The following NPAS2 variants were observed in gnomAD, a reference collection of about 807,000 sequenced individuals.
The protein encoded by NPAS2 is neuronal PAS domain-containing protein 2.
In NPAS2, 23 loss-of-function variants were observed where a neutral mutation model predicts 107.5. That is an observed-to-expected ratio of 0.21 (90% CI 0.15 to 0.30). NPAS2 has a LOEUF of 0.30. NPAS2 is among the 10% of genes least tolerant of loss of function. The pLI is 1.00. For missense variants in NPAS2, 756 were observed against 1,043.3 expected, an observed-to-expected ratio of 0.72 and a Z score of 3.79; for synonymous variants, 403 against 417.5, an observed-to-expected ratio of 0.97 and a Z score of 0.42.
At chr2:100,888,178 T>A (rs1680832546) in intron 1 of NPAS2, among the ~76,000 whole-genome samples, 1 of 152,310 alleles carries the variant, frequency 6.6e-6, no homozygotes, top group African/African-American at 2.4e-5. Context: ...ATGCCAGGCT[T>A]CTTTCCAAAC....
At chr2:100,896,988 G>A (rs1345474177) in intron 1 of NPAS2, among the ~76,000 whole-genome samples, 10 of 152,212 alleles carry the variant, frequency 6.6e-5, no homozygotes, top group Admixed American at 1.3e-4. Flanking sequence ...CAGTTCACAT[G>A]GCTGAGGAGG....
chr2:100,904,689 C>T (rs1220942936), intron 1 of NPAS2, 44 bp from the exon 2 acceptor site: 1 of 1,305,890 alleles, frequency 7.7e-7, no homozygotes, highest in East Asian at 2.3e-5. Flanking sequence ...TAGAAGCAGA[C>T]AGTAATTATC....
At chr2:100,852,266 G>A (rs923323953) in intron 1 of NPAS2, among the ~76,000 whole-genome samples, 2 of 151,962 alleles carry the variant, frequency 1.3e-5, no homozygotes, top group African/African-American at 2.4e-5. Context: ...GCGTGGTGGT[G>A]GGTGCCTGTA....
chr2:100,978,488 G>T (rs1461222959), intron 15 of NPAS2, among the ~76,000 whole-genome samples: 1 of 151,906 alleles, frequency 6.6e-6, no homozygotes, highest in Non-Finnish European at 1.5e-5. Context: ...TCTAAAAGCC[G>T]TGAGTCCAGC....
intron 1 of NPAS2, among the ~76,000 whole-genome samples, chr2:100,869,625 C>G (rs1044999759): frequency 1.3e-5 from 2 of 152,172 alleles, no homozygotes; most frequent in African/African-American, 4.8e-5. Flanking sequence ...AAGGCATGTT[C>G]CCTTCCTGTC....
At chr2:100,872,549 G>A (rs1227814689) in intron 1 of NPAS2, among the ~76,000 whole-genome samples, 3 of 152,182 alleles carry the variant, frequency 2.0e-5, no homozygotes, top group African/African-American at 7.2e-5. Context: ...CACTGTAGGA[G>A]CCAAATACAT....
intron 3 of NPAS2, among the ~76,000 whole-genome samples, chr2:100,930,262 G>T (rs1339408096): frequency 6.6e-6 from 1 of 152,160 alleles, no homozygotes; most frequent in Non-Finnish European, 1.5e-5. Flanking sequence ...AGATGAGGTG[G>T]GGAGAGCTGT....
At chr2:100,906,251 T>C (rs1166428859) in intron 2 of NPAS2, among the ~76,000 whole-genome samples, 1 of 152,186 alleles carries the variant, frequency 6.6e-6, no homozygotes, top group African/African-American at 2.4e-5. Flanking sequence ...AAAATCCACT[T>C]GGGTTCCAAG....
chr2:100,829,235 A>G (rs1573408048), intron 1 of NPAS2, among the ~76,000 whole-genome samples: 1 of 143,816 alleles, frequency 7.0e-6, no homozygotes, highest in South Asian at 2.2e-4. Context: ...CCCAGGCTGG[A>G]TTGCAGTGGC....
Position 100,965,442 on chromosome 2 carries a change from T to C in NPAS2, c.801-218T>C, listed in dbSNP as rs572370564. Among the ~76,000 whole-genome samples, 34 of 149,296 alleles carry C rather than the reference T, an allele frequency of 2.3e-4. No homozygotes were observed. Among genetic ancestry groups the C allele is most frequent in the Middle Eastern group, 3.4e-3 (1 of 292 alleles). On this transcript the variant is annotated intron_variant, in intron 9 of 20. Coordinates refer to ENST00000335681, the MANE Select transcript of NPAS2 (RefSeq NM_002518.4). The surrounding 1 kb of genome is among the most constrained non-coding windows in gnomAD (Gnocchi z 4.3). ...AAAGCTTATTGTTATTTGGGCCAAG[T>C]TATGCCAAGGGAAAGGAGTATCTAT...
chr2:100,983,900 G>A (rs1677623285), intron 16 of NPAS2: 1 of 152,198 alleles, frequency 6.6e-6, no homozygotes, highest in African/African-American at 2.4e-5. Flanking sequence ...GGGGGAAATC[G>A]AGCCAGAAAC....
At chr2:100,850,223 T>A (rs1678078930) in intron 1 of NPAS2, among the ~76,000 whole-genome samples, 2 of 152,106 alleles carry the variant, frequency 1.3e-5, no homozygotes, top group Non-Finnish European at 2.9e-5. Context: ...ATCTTCAGTA[T>A]AAGGAAAATA....
chr2:100,891,598 C>T lies in NPAS2; in HGVS notation c.-22-13135C>T, dbSNP rs75332345. ...TCATGCCCAGGCTCCAAGGCCACCA[C>T]ACAAGTGAAGGCAAGAGCACTGAGG... On this transcript the variant is annotated intron_variant, in intron 1 of 20. Transcript: ENST00000335681. Among the ~76,000 whole-genome samples, 213 of 152,366 alleles carry T rather than the reference C, an allele frequency of 1.4e-3. 1 individual carries two copies. The East Asian group carries it at 0.03, about 22-fold the overall frequency.
At chr2:100,891,667 G>T (rs575209722) in intron 1 of NPAS2, among the ~76,000 whole-genome samples, 1 of 152,324 alleles carries the variant, frequency 6.6e-6, no homozygotes, top group African/African-American at 2.4e-5. Context: ...TAATTCTGCT[G>T]CCTCAATTAG....
rs947890098 is a variant in NPAS2 at position 100,974,931 on chromosome 2, G to A, written c.1269G>A (p.Met423Ile). The change falls in exon 13 of 21, where the codon ATG becomes ATA. Residue 423 changes from methionine (M) to isoleucine (I), a missense_variant. Transcript: ENST00000335681. ...CCCACAAATCCTCGCACACAGCCAT[G>A]TCAGAACCCACCTGTGAGTGCGAGT... ...RSSHKSSHTAMSEPTSTPTKL... is the reference protein window; with the variant it reads ...RSSHKSSHTAISEPTSTPTKL... 18 of 1,613,846 alleles carry A rather than the reference G, an allele frequency of 1.1e-5. No homozygotes were observed. The highest frequency in any genetic ancestry group is 4.0e-5 in the African/African-American group (3 of 74,906).
chr2:100,821,289 C>T, intron 1 of NPAS2: 8 of 1,101,612 alleles, frequency 7.3e-6, no homozygotes, highest in South Asian at 1.5e-5. Context: ...AATATACGCA[C>T]GCACTTCCAC....
chr2:100,835,157 G>A (rs1327076467), intron 1 of NPAS2, among the ~76,000 whole-genome samples: 1 of 152,074 alleles, frequency 6.6e-6, no homozygotes, highest in African/African-American at 2.4e-5. Flanking sequence ...GTCACTTGGA[G>A]GGAAGCACTA....
Position 100,993,448 on chromosome 2 carries a change from A to G in NPAS2, c.2213A>G (p.His738Arg). 1 of 1,612,278 alleles carries G rather than the reference A, an allele frequency of 6.2e-7. No homozygotes were observed. Among genetic ancestry groups the G allele is most frequent in the Non-Finnish European group, 8.5e-7 (1 of 1,179,384 alleles). Residue 738 changes from histidine (H) to arginine (R), a missense_variant, in exon 20 of 21, where the codon CAC (histidine) becomes CGC (arginine). His to Arg is a conservative substitution (Grantham distance 29). Coordinates refer to ENST00000335681, the MANE Select transcript of NPAS2 (RefSeq NM_002518.4). ...CTGCTGATGGGGCAGGCGGTGCTCC[A>G]CCCCAGCTTCCCTGCCTCCCAACCA... Reference protein sequence around the residue: ...PVLLMGQAVLHPSFPASQPSP... With the variant: ...PVLLMGQAVLRPSFPASQPSP...
At chr2:100,827,097 G>A (rs1378079669) in intron 1 of NPAS2, among the ~76,000 whole-genome samples, 7 of 152,122 alleles carry the variant, frequency 4.6e-5, no homozygotes, top group Admixed American at 1.3e-4. Flanking sequence ...GGCTATGATC[G>A]ACCTTGCAGT....
Sources: allele counts gnomAD v4.1 joint callset (sites outside exome capture counted in the v4.1 genomes callset), GRCh38; gene constraint gnomAD v4.1.1; non-coding constraint Gnocchi (gnomAD v3.1); transcripts MANE v1.5; gene names NCBI Gene and HGNC (gene_info 2026-07-23, HGNC 2026-07-21).